ANKS1B: variants seen among roughly 807,000 people sequenced by gnomAD.
ANKS1B encodes the protein ankyrin repeat and sterile alpha motif domain containing 1B.
ANKS1B carries 36 observed loss-of-function variants against 148.3 expected under a neutral mutation model. The observed-to-expected ratio is 0.24, with a 90% CI of 0.19 to 0.32. The LOEUF is 0.32. Ranked by LOEUF, ANKS1B falls within the 10% of genes least tolerant of loss-of-function variation. The pLI is 1.00. For missense variants in ANKS1B, 1,157 were observed against 1,542.6 expected, an observed-to-expected ratio of 0.75 and a Z score of 4.19; for synonymous variants, 542 against 560.8, an observed-to-expected ratio of 0.97 and a Z score of 0.47.
intron 12 of ANKS1B, among the ~76,000 whole-genome samples, chr12:99,382,650 A>G (rs2093685454): frequency 6.7e-6 from 1 of 148,436 alleles, no homozygotes; most frequent in Non-Finnish European, 1.5e-5. Flanking sequence ...GTGACCTGAG[A>G]TCATACCACT....
chr12:98,941,899 C>T (rs562962778), intron 17 of ANKS1B, among the ~76,000 whole-genome samples: 2 of 152,174 alleles, frequency 1.3e-5, no homozygotes, highest in African/African-American at 2.4e-5. Context: ...ACGTAAACAG[C>T]CAAAACTGTC....
chr12:98,932,072 CCT>C (rs555630518), intron 17 of ANKS1B, among the ~76,000 whole-genome samples: 56 of 152,262 alleles, frequency 3.7e-4, no homozygotes, highest in African/African-American at 1.3e-3. Context: ...CTGCCTCTGG[CCT>C]CTCTCTGCAT....
chr12:99,897,895 A>T (rs537695657), intron 1 of ANKS1B, among the ~76,000 whole-genome samples: 1 of 150,296 alleles, frequency 6.7e-6, no homozygotes, highest in South Asian at 2.1e-4. Context: ...TCCAGCAAAC[A>T]GTTTTCCCAA....
intron 17 of ANKS1B, among the ~76,000 whole-genome samples, chr12:99,045,212 T>C (rs554216769): frequency 1.3e-5 from 2 of 152,134 alleles, no homozygotes; most frequent in Non-Finnish European, 2.9e-5. Flanking sequence ...ATTTACTATA[T>C]TTATGAACTT....
intron 9 of ANKS1B, among the ~76,000 whole-genome samples, chr12:99,645,196 T>A (rs1418504666): frequency 2.0e-5 from 3 of 152,230 alleles, no homozygotes; most frequent in Non-Finnish European, 4.4e-5. Context: ...AATTACATAG[T>A]TTTAAGCACT....
intron 12 of ANKS1B, among the ~76,000 whole-genome samples, chr12:99,398,372 C>T (rs2094311082): frequency 6.6e-6 from 1 of 152,106 alleles, no homozygotes; most frequent in Admixed American, 6.6e-5. Context: ...CATATATACA[C>T]ATACACTCAC....
chr12:99,147,504 C>A (rs1397461532), intron 15 of ANKS1B, among the ~76,000 whole-genome samples: 1 of 152,000 alleles, frequency 6.6e-6, no homozygotes, highest in Non-Finnish European at 1.5e-5. Context: ...TAACTGAGAA[C>A]CTTTGAAGGA....
chr12:99,703,385 A>G (rs2055186713), intron 8 of ANKS1B, among the ~76,000 whole-genome samples: 1 of 152,142 alleles, frequency 6.6e-6, no homozygotes, highest in Non-Finnish European at 1.5e-5. Context: ...ATCTTTTTAA[A>G]AGAAACTGAA....
intron 9 of ANKS1B, among the ~76,000 whole-genome samples, chr12:99,564,663 C>T (rs1237783539): frequency 1.3e-5 from 2 of 152,078 alleles, no homozygotes; most frequent in Admixed American, 6.5e-5. Context: ...GCTTTTCTGA[C>T]CACTAACATC....
intron 14 of ANKS1B, among the ~76,000 whole-genome samples, chr12:99,159,305 G>A (rs2076398119): frequency 6.6e-6 from 1 of 152,034 alleles, no homozygotes; most frequent in Non-Finnish European, 1.5e-5. Flanking sequence ...TAAGGTTTGG[G>A]GCATGAATGA....
chr12:99,407,954 TAACA>T (rs1490757771), intron 11 of ANKS1B, among the ~76,000 whole-genome samples: 6 of 145,882 alleles, frequency 4.1e-5, no homozygotes, highest in Non-Finnish European at 7.6e-5. Context: ...ATGCAATCAT[TAACA>T]AAATACTAAT....
At chr12:99,676,870 A>G (rs1468406074) in intron 8 of ANKS1B, among the ~76,000 whole-genome samples, 1 of 152,230 alleles carries the variant, frequency 6.6e-6, no homozygotes, top group African/African-American at 2.4e-5. Flanking sequence ...TTGTTCTATA[A>G]ATGTTAAATT....
At chr12:98,936,561 A>G (rs955687448) in intron 17 of ANKS1B, among the ~76,000 whole-genome samples, 1 of 152,042 alleles carries the variant, frequency 6.6e-6, no homozygotes, top group Non-Finnish European at 1.5e-5. Context: ...CAGGAGGTGG[A>G]GGTTGCAGTG....
At chr12:99,165,962 G>A (rs1480466580) in intron 14 of ANKS1B, among the ~76,000 whole-genome samples, 2 of 151,614 alleles carry the variant, frequency 1.3e-5, no homozygotes, top group East Asian at 1.9e-4. Context: ...AATAATGCAA[G>A]GTCTCTTAAA....
chr12:98,885,153 T>C (rs11109650), intron 17 of ANKS1B, among the ~76,000 whole-genome samples: 15,194 of 152,158 alleles, frequency 0.1, 1,244 homozygotes, highest in East Asian at 0.37. Context: ...GATGGAAAAT[T>C]TAAACTGCTT....
At chr12:99,732,882 A>G (rs932683923) in intron 8 of ANKS1B, among the ~76,000 whole-genome samples, 1 of 152,220 alleles carries the variant, frequency 6.6e-6, no homozygotes, top group Non-Finnish European at 1.5e-5. Flanking sequence ...TATGTTAGAT[A>G]TCAAGTGAAA....
intron 17 of ANKS1B, among the ~76,000 whole-genome samples, chr12:98,897,655 T>A (rs1275163849): frequency 6.6e-6 from 1 of 152,166 alleles, no homozygotes; most frequent in African/African-American, 2.4e-5. Flanking sequence ...GAAAATAGTA[T>A]AGGGATTTCT....
At chr12:99,209,576 C>T (rs994357170) in intron 14 of ANKS1B, among the ~76,000 whole-genome samples, 3 of 152,120 alleles carry the variant, frequency 2.0e-5, no homozygotes, top group Non-Finnish European at 2.9e-5. Context: ...AAGTCTCATG[C>T]TTGATGTGTG....
chr12:98,791,018 T>C (rs1023126874), intron 22 of ANKS1B, among the ~76,000 whole-genome samples: 1 of 152,188 alleles, frequency 6.6e-6, no homozygotes, highest in African/African-American at 2.4e-5. Flanking sequence ...TGGTTGGTGC[T>C]CTTTAGCCTT....
Sources: gnomAD v4.1 joint callset for allele counts (sites outside exome capture counted in the v4.1 genomes callset) on GRCh38, gnomAD v4.1.1 for gene constraint, MANE v1.5 for transcripts, NCBI Gene and HGNC (gene_info 2026-07-23, HGNC 2026-07-21) for gene names.